The following COL23A1 variants were observed in gnomAD, a reference collection of about 807,000 sequenced individuals.
The protein encoded by COL23A1 is collagen alpha-1(XXIII) chain.
COL23A1 carries 97 observed loss-of-function variants against 99.3 expected under a neutral mutation model. The observed-to-expected ratio is 0.98, with a 90% confidence interval of 0.83 to 1.16. COL23A1 has a LOEUF of 1.16. Among genes scored for constraint, COL23A1 ranks in the 50% most tolerant of loss-of-function variants. The probability of loss-of-function intolerance (pLI) is 0.00; values close to 1 mark genes in which losing one functional copy is unlikely to be tolerated. For missense variants in COL23A1, 762 were observed against 757.4 expected, an observed-to-expected ratio of 1.01 and a Z score of -0.07; for synonymous variants, 320 against 308.2, an observed-to-expected ratio of 1.04 and a Z score of -0.40.
intron 2 of COL23A1, among the ~76,000 whole-genome samples, chr5:178,527,202 G>A (rs1285396902): frequency 2.0e-5 from 3 of 152,188 alleles, no homozygotes; most frequent in East Asian, 1.9e-4. Context: ...GAGAGTGGGG[G>A]ACAGCACCAG....
At chr5:178,546,558 G>A (rs937960986) in intron 2 of COL23A1, among the ~76,000 whole-genome samples, 5 of 152,190 alleles carry the variant, frequency 3.3e-5, no homozygotes, top group South Asian at 2.1e-4. Context: ...ACTGGGGGCC[G>A]TCCCAGGGCC....
At chr5:178,404,719 C>T (rs1415683461) in intron 2 of COL23A1, among the ~76,000 whole-genome samples, 1 of 152,132 alleles carries the variant, frequency 6.6e-6, no homozygotes, top group East Asian at 1.9e-4. Context: ...TGTCCTCCGT[C>T]CCCTCAGAGA....
chr5:178,303,645 C>CAAA (rs1224480840), intron 3 of COL23A1, among the ~76,000 whole-genome samples: 1 of 152,220 alleles, frequency 6.6e-6, no homozygotes, highest in Admixed American at 6.5e-5. Flanking sequence ...GAAGTGCCTC[C>CAAA]GTTTGTCTCT....
rs376487313 is a variant in COL23A1, at chr5:178,368,701, T to C, written c.362-61782A>G. On this transcript the variant is annotated intron_variant, in intron 2 of 28. Transcript: ENST00000390654. Reference sequence around the variant, plus strand: ...AGAAGCCGTCAGCCTCCAGAAGCCGTCAGCCTCCAGTCCAGAGTGGCACAG... The same window carrying C: ...AGAAGCCGTCAGCCTCCAGAAGCCGCCAGCCTCCAGTCCAGAGTGGCACAG... Among the ~76,000 whole-genome samples the C allele has an allele frequency of 5.3e-5, 8 of 152,258 alleles. No homozygotes were observed. In the South Asian group the frequency reaches 1.0e-3, roughly 20 times the overall value.
chr5:178,387,080 C>T lies in COL23A1; in HGVS notation c.362-80161G>A, dbSNP rs1333307650. Among the ~76,000 whole-genome samples, 2 of 152,058 alleles carry T rather than the reference C, an allele frequency of 1.3e-5. No homozygotes were observed. Among genetic ancestry groups the T allele is most frequent in the Admixed American group, 6.5e-5 (1 of 15,274 alleles). On this transcript the variant is annotated intron_variant, in intron 2 of 28. Transcript: ENST00000390654. The surrounding 1 kb of genome is among the most constrained non-coding windows in gnomAD (Gnocchi z 4.7). ...TGTCCGACTTCCTGGCACTCTGCAC[C>T]CCCACCTTATTTCTCTCCCACGGCA...
chr5:178,547,563 C>CA (rs1761678124), intron 2 of COL23A1, among the ~76,000 whole-genome samples: 1 of 86,660 alleles, frequency 1.2e-5, no homozygotes, highest in Admixed American at 1.3e-4. Flanking sequence ...CCATACACAC[C>CA]CCCACACACA....
chr5:178,335,681 C>G (rs145785718), intron 2 of COL23A1, among the ~76,000 whole-genome samples: 1 of 152,208 alleles, frequency 6.6e-6, no homozygotes, highest in South Asian at 2.1e-4. Flanking sequence ...GAGTTTCTGC[C>G]TTGCCTGCTT....
At chr5:178,288,202 G>C in intron 5 of COL23A1, 122 bp downstream of exon 5, 2 of 923,828 alleles carry the variant, frequency 2.2e-6, no homozygotes, top group Non-Finnish European at 3.7e-6. Context: ...TCCACAGAAA[G>C]ACCACGGCTG....
intron 2 of COL23A1, among the ~76,000 whole-genome samples, chr5:178,406,833 C>G (rs1764791272): frequency 6.6e-6 from 1 of 152,188 alleles, no homozygotes; most frequent in Non-Finnish European, 1.5e-5. Flanking sequence ...TGAGTAAAGA[C>G]TAGCCAGATT....
At chr5:178,444,862 G>C (rs1767072961) in intron 2 of COL23A1, among the ~76,000 whole-genome samples, 2 of 152,130 alleles carry the variant, frequency 1.3e-5, no homozygotes, top group African/African-American at 4.8e-5. Context: ...TTCTGCTTTA[G>C]TTTTCCCCGT....
At chr5:178,433,955 G>A (rs887692627) in intron 2 of COL23A1, among the ~76,000 whole-genome samples, 1 of 152,172 alleles carries the variant, frequency 6.6e-6, no homozygotes, top group African/African-American at 2.4e-5. Flanking sequence ...ACGGCCATGT[G>A]AGGACACAGG....
chr5:178,536,264 G>A (rs575033791), intron 2 of COL23A1, among the ~76,000 whole-genome samples: 51 of 152,342 alleles, frequency 3.3e-4, no homozygotes, highest in Admixed American at 2.9e-3. Context: ...GCCTCCTCAC[G>A]GGAGAACCAC....
Position 178,263,250 on chromosome 5 carries a change from G to T in COL23A1, c.597C>A (p.Gly199=), listed in dbSNP as rs202101672. The change falls in exon 9 of 29, where the codon GGC becomes GGA. Residue 199 remains glycine, a synonymous_variant. Transcript: ENST00000390654. ...PGPPGARGPP[G]DTGKDGPRGA... ...CCCTGGGGCCATCTTTCCCAGTGTC[G>T]CCAGGAGGGCCCCGGGCCCCAGGAG... The T allele has an allele frequency of 2.5e-6, 4 of 1,613,356 alleles. No individual in the cohort carries two copies. The East Asian group carries it at 6.7e-5, about 27-fold the overall frequency.
chr5:178,339,145 C>T (rs764912300), intron 2 of COL23A1, among the ~76,000 whole-genome samples: 1 of 152,202 alleles, frequency 6.6e-6, no homozygotes, highest in Admixed American at 6.5e-5. Flanking sequence ...TATTAGAGAG[C>T]TCTTCCTCCA....
intron 5 of COL23A1, among the ~76,000 whole-genome samples, chr5:178,282,900 C>T (rs1756973938): frequency 6.6e-6 from 1 of 151,848 alleles, no homozygotes; most frequent in African/African-American, 2.4e-5. Flanking sequence ...TGGTCTCGCT[C>T]TGCTCTGTCA....
At chr5:178,461,261 GGC>G (rs1308908673) in intron 2 of COL23A1, among the ~76,000 whole-genome samples, 1 of 152,232 alleles carries the variant, frequency 6.6e-6, no homozygotes, top group African/African-American at 2.4e-5. Context: ...AGTCCAGCCT[GGC>G]CATGTCCTGG....
intron 2 of COL23A1, among the ~76,000 whole-genome samples, chr5:178,406,805 T>C (rs1764789992): frequency 6.6e-6 from 1 of 150,894 alleles, no homozygotes; most frequent in Non-Finnish European, 1.5e-5. Flanking sequence ...CTTTGATAAC[T>C]TTGAAAAATT....
intron 1 of COL23A1, among the ~76,000 whole-genome samples, chr5:178,588,216 G>C (rs1004389105): frequency 1.1e-4 from 17 of 152,268 alleles, no homozygotes; most frequent in African/African-American, 3.6e-4. Context: ...CAGCCGGGAG[G>C]GGGGAAGCCT....
intron 5 of COL23A1, among the ~76,000 whole-genome samples, chr5:178,279,556 G>A (rs1034676635): frequency 2.0e-5 from 3 of 152,208 alleles, no homozygotes; most frequent in African/African-American, 7.2e-5. Context: ...CTGGGAAGAC[G>A]AGGCCTCAGG....
Sources: gnomAD v4.1 joint callset for allele counts (sites outside exome capture counted in the v4.1 genomes callset) on GRCh38, gnomAD v4.1.1 for gene constraint, Gnocchi (gnomAD v3.1) non-coding constraint, MANE v1.5 for transcripts, NCBI Gene and HGNC (gene_info 2026-07-23, HGNC 2026-07-21) for gene names.